Variants in ERBIN observed in about 807,000 individuals in gnomAD.
ERBIN encodes the protein densin-180-like protein.
In ERBIN, 60 loss-of-function variants were observed where a neutral mutation model predicts 158.4. The observed-to-expected ratio is 0.38, with a 90% CI of 0.31 to 0.47. The LOEUF is 0.47. ERBIN is among the 20% of genes least tolerant of loss of function. The pLI is 0.99. For synonymous variants in ERBIN, 594 were observed against 557.2 expected, an observed-to-expected ratio of 1.07 and a Z score of -0.93; for missense variants, 1,610 against 1,648.0, an observed-to-expected ratio of 0.98 and a Z score of 0.40.
intron 14 of ERBIN, among the ~76,000 whole-genome samples, chr5:66,033,608 G>A (rs1757109368): frequency 1.3e-5 from 2 of 152,152 alleles, no homozygotes; most frequent in Admixed American, 1.3e-4. Context: ...GAGGTATATG[G>A]CAAAACCCAG....
In ERBIN at chr5:66,075,059, C is replaced by G; in HGVS notation, c.3792C>G (p.Leu1264=). 4 of 1,614,126 alleles carry G rather than the reference C, an allele frequency of 2.5e-6. No homozygotes were observed. Among genetic ancestry groups the G allele is most frequent in the Non-Finnish European group, 3.4e-6 (4 of 1,180,028 alleles). Residue 1264 remains leucine, a synonymous_variant, in exon 23 of 26, where the codon CTC becomes CTG. Transcript: ENST00000284037. ...GTAATGGACAGATGGGCCAGCCTCT[C>G]AGGCCTCAGGCAAATTATAGTCAAA... ...PLSNGQMGQP[L]RPQANYSQIH... is the part of the protein sequence containing the mutation.
chr5:65,967,605 CTG>C (rs1022027458), intron 1 of ERBIN, among the ~76,000 whole-genome samples: 1 of 152,176 alleles, frequency 6.6e-6, no homozygotes, highest in African/African-American at 2.4e-5. Flanking sequence ...TAAGTAGACT[CTG>C]TGATGTTTGT....
Position 65,959,562 on chromosome 5 carries a change from T to C in ERBIN, c.-57-29073T>C, listed in dbSNP as rs145112284. On this transcript the variant is annotated intron_variant, in intron 1 of 25. Coordinates refer to ENST00000284037, the MANE Select transcript of ERBIN (RefSeq NM_001253697.2). ...GGGTTGGTCCATGGACTTGTAAGTATTCTGAGGATGGACTTCATAGTTCTC... is the reference window on the plus strand; with the variant it reads ...GGGTTGGTCCATGGACTTGTAAGTACTCTGAGGATGGACTTCATAGTTCTC... Among the ~76,000 whole-genome samples the C allele has an allele frequency of 2.2e-3, 331 of 152,302 alleles. 2 individuals carry two copies. The highest frequency in any genetic ancestry group is 7.7e-3 in the African/African-American group (322 of 41,556).
intron 1 of ERBIN, among the ~76,000 whole-genome samples, chr5:65,958,469 A>C (rs964039271): frequency 6.6e-6 from 1 of 152,112 alleles, no homozygotes; most frequent in Admixed American, 6.5e-5. Flanking sequence ...AAAAATACGA[A>C]AACCAGTCAG....
chr5:66,079,115 A>G lies in ERBIN; in HGVS notation c.*585A>G, dbSNP rs937008103. ...TTATTTTCTATAAAAATCTGGAAGC[A>G]AAGAATGGGGATGGGGAGAGCTACG... On this transcript the variant is annotated 3_prime_UTR_variant, in exon 26 of 26. Transcript: ENST00000284037. The G allele has an allele frequency of 6.5e-5, 10 of 152,812 alleles. No homozygotes were observed. Among genetic ancestry groups the G allele is most frequent in the Non-Finnish European group, 1.2e-4 (8 of 68,160 alleles). 9.5% of individuals were successfully genotyped at this position (152,812 alleles called of 1,614,324 possible). A position where few individuals can be genotyped will look rare whatever the true frequency, so the allele number is the denominator to read the frequency against.
intron 7 of ERBIN, among the ~76,000 whole-genome samples, chr5:66,015,661 C>A (rs1393214538): frequency 3.9e-5 from 6 of 152,078 alleles, no homozygotes; most frequent in Non-Finnish European, 8.8e-5. Flanking sequence ...CAAAGCGAGA[C>A]CCCCATCTCT....
At chr5:65,984,358 C>T (rs1039824410) in intron 1 of ERBIN, among the ~76,000 whole-genome samples, 4 of 152,202 alleles carry the variant, frequency 2.6e-5, no homozygotes. Flanking sequence ...CACTAGGGGC[C>T]CCGTCTGTGC....
chr5:66,078,372 CAAAT>C, intron 25 of ERBIN, 47 bp from the exon 26 acceptor site: 1 of 1,169,260 alleles, frequency 8.6e-7, no homozygotes, highest in African/African-American at 1.6e-5. Context: ...GGCAGAAATG[CAAAT>C]AAATAACTAT....
rs552303421 is a variant in ERBIN, at chr5:65,948,906, G to C, written c.-58+22100G>C. Reference sequence around the variant, plus strand: ...GGCCTCTCAGGTAGCTGTGATTAGAGGCATTTTCCACCATGTCCGGCTAAT... The same window carrying C: ...GGCCTCTCAGGTAGCTGTGATTAGACGCATTTTCCACCATGTCCGGCTAAT... On this transcript the variant is annotated intron_variant, in intron 1 of 25. Coordinates refer to ENST00000284037, the MANE Select transcript of ERBIN (RefSeq NM_001253697.2). 5.1e-4 allele frequency among the ~76,000 whole-genome samples: 77 copies of C among 151,726 alleles called. No individual in the cohort carries two copies. The South Asian group carries it at 0.014, about 28-fold the overall frequency.
At chr5:66,037,070 T>C (rs1757466352) in intron 14 of ERBIN, among the ~76,000 whole-genome samples, 1 of 152,188 alleles carries the variant, frequency 6.6e-6, no homozygotes, top group Non-Finnish European at 1.5e-5. Flanking sequence ...TTCAGGGTGA[T>C]GAGTTTTTAA....
At chr5:65,977,519 G>C (rs1750104590) in intron 1 of ERBIN, among the ~76,000 whole-genome samples, 2 of 151,194 alleles carry the variant, frequency 1.3e-5, no homozygotes, top group African/African-American at 4.9e-5. Flanking sequence ...ATCCCGGACG[G>C]GGCGGCAGGG....
At chr5:66,004,423 G>A (rs1320281936) in intron 4 of ERBIN, among the ~76,000 whole-genome samples, 1 of 152,102 alleles carries the variant, frequency 6.6e-6, no homozygotes, top group South Asian at 2.1e-4. Context: ...TGTGAGTTGA[G>A]ACAGAATCTC....
At chr5:65,973,398 A>G (rs1340643540) in intron 1 of ERBIN, among the ~76,000 whole-genome samples, 1 of 151,224 alleles carries the variant, frequency 6.6e-6, no homozygotes, top group East Asian at 1.9e-4. Context: ...AACTTAAAGT[A>G]TAATAAAAAT....
At chr5:66,021,522 G>A in intron 8 of ERBIN, 137 bp downstream of exon 8, 1 of 564,356 alleles carries the variant, frequency 1.8e-6, no homozygotes, top group Non-Finnish European at 3.0e-6. Flanking sequence ...AAATTTCTTA[G>A]CCAGAACTTT....
At chr5:66,017,350 A>G (rs1272694976) in intron 7 of ERBIN, among the ~76,000 whole-genome samples, 2 of 152,022 alleles carry the variant, frequency 1.3e-5, no homozygotes, top group Non-Finnish European at 2.9e-5. Context: ...CATCCTTGCT[A>G]GTTATTGCCT....
At chr5:65,952,178 TAAA>T (rs1185140401) in intron 1 of ERBIN, among the ~76,000 whole-genome samples, 1 of 152,170 alleles carries the variant, frequency 6.6e-6, no homozygotes, top group Non-Finnish European at 1.5e-5. Context: ...TATTTTCACA[TAAA>T]GAATCATTAG....
intron 1 of ERBIN, among the ~76,000 whole-genome samples, chr5:65,969,881 A>G (rs1343244189): frequency 6.6e-6 from 1 of 152,102 alleles, no homozygotes; most frequent in Non-Finnish European, 1.5e-5. Flanking sequence ...GTGGTCATAT[A>G]TTGTTATTTT....
chr5:66,006,471 A>AC (rs1293371945), intron 4 of ERBIN, among the ~76,000 whole-genome samples: 2 of 152,344 alleles, frequency 1.3e-5, no homozygotes, highest in Admixed American at 1.3e-4. Context: ...ACCATTCAGG[A>AC]CATAGGCATG....
At chr5:65,999,874 A>C (rs780614774) in intron 4 of ERBIN, among the ~76,000 whole-genome samples, 5 of 152,246 alleles carry the variant, frequency 3.3e-5, no homozygotes, top group Non-Finnish European at 5.9e-5. Context: ...TTTGATTACC[A>C]TCAGATCTCT....
Sources: gnomAD v4.1 joint callset for allele counts (sites outside exome capture counted in the v4.1 genomes callset) on GRCh38, gnomAD v4.1.1 for gene constraint, MANE v1.5 for transcripts, NCBI Gene and HGNC (gene_info 2026-07-23, HGNC 2026-07-21) for gene names.